The following WWP2 variants were observed in gnomAD, a reference collection of about 807,000 sequenced individuals.
WWP2 encodes WW domain containing E3 ubiquitin protein ligase 2.
In WWP2, 57 loss-of-function variants were observed where a neutral mutation model predicts 121.0. The observed-to-expected ratio is 0.47, with a 90% CI of 0.38 to 0.59. WWP2 has a LOEUF of 0.59. Ranked by LOEUF, WWP2 falls within the 20% of genes least tolerant of loss-of-function variation. The pLI, the probability that WWP2 is intolerant of heterozygous loss-of-function variation, is 0.00. For missense variants in WWP2, 962 were observed against 1,158.9 expected, an observed-to-expected ratio of 0.83 and a Z score of 2.47; for synonymous variants, 449 against 441.3, an observed-to-expected ratio of 1.02 and a Z score of -0.22.
At chr16:69,813,226 G>A (rs899172253) in intron 4 of WWP2, among the ~76,000 whole-genome samples, 33 of 150,394 alleles carry the variant, frequency 2.2e-4, no homozygotes, top group African/African-American at 6.4e-4. Context: ...GCAATGGCGC[G>A]ATCTTCGCTC....
intron 6 of WWP2, among the ~76,000 whole-genome samples, chr16:69,855,034 T>G (rs1380211522): frequency 6.6e-6 from 1 of 151,856 alleles, no homozygotes; most frequent in South Asian, 2.1e-4. Context: ...TTTTAAAATT[T>G]TTTGTAGAGA....
intron 9 of WWP2, chr16:69,909,807 T>G: frequency 4.4e-6 from 3 of 675,796 alleles, no homozygotes; most frequent in Non-Finnish European, 5.5e-6. Context: ...ATAGAGAGAA[T>G]AATGTTACAA....
intron 7 of WWP2, 67 bp from the exon 8 acceptor site, chr16:69,887,972 A>C: frequency 6.3e-7 from 1 of 1,575,312 alleles, no homozygotes; most frequent in South Asian, 1.1e-5. Flanking sequence ...TAAGTGAAAA[A>C]CCTAGCAAGT....
At chr16:69,852,114 G>A (rs1227554205) in intron 6 of WWP2, among the ~76,000 whole-genome samples, 2 of 152,136 alleles carry the variant, frequency 1.3e-5, no homozygotes, top group Non-Finnish European at 2.9e-5. Context: ...TTTCCAAAAC[G>A]GCTGCACCAG....
chr16:69,885,691 G>A (rs1199398968), intron 7 of WWP2, among the ~76,000 whole-genome samples: 7 of 152,216 alleles, frequency 4.6e-5, no homozygotes, highest in African/African-American at 1.7e-4. Context: ...AGACACCAGG[G>A]TGTGAATTAG....
At chr16:69,894,561 T>G in intron 8 of WWP2, among the ~76,000 whole-genome samples, 1 of 152,136 alleles carries the variant, frequency 6.6e-6, no homozygotes, top group Middle Eastern at 3.2e-3. Flanking sequence ...GCTTTTAAAT[T>G]AACTAGCGTG....
intron 6 of WWP2, among the ~76,000 whole-genome samples, chr16:69,853,846 C>T (rs1011673920): frequency 9.2e-5 from 14 of 152,168 alleles, no homozygotes; most frequent in African/African-American, 3.4e-4. Context: ...AGACAAGAGA[C>T]GCAAGAGGCG....
intron 4 of WWP2, among the ~76,000 whole-genome samples, chr16:69,806,556 C>A (rs1453295842): frequency 1.3e-5 from 2 of 152,030 alleles, no homozygotes; most frequent in Non-Finnish European, 2.9e-5. Flanking sequence ...TGAAATAATT[C>A]TTTGATGACT....
chr16:69,793,566 G>C (rs1379610297), intron 2 of WWP2, among the ~76,000 whole-genome samples: 1 of 151,994 alleles, frequency 6.6e-6, no homozygotes, highest in Admixed American at 6.6e-5. Context: ...AGATTATAGA[G>C]GTGTGGAAAA....
chr16:69,834,991 C>T (rs1350536867), intron 4 of WWP2, among the ~76,000 whole-genome samples: 1 of 152,060 alleles, frequency 6.6e-6, no homozygotes, highest in Admixed American at 6.6e-5. Flanking sequence ...ATAGTAGGTG[C>T]TCAAGGCACG....
chr16:69,841,453 C>T (rs2056976051), intron 5 of WWP2, among the ~76,000 whole-genome samples: 1 of 151,786 alleles, frequency 6.6e-6, no homozygotes, highest in Admixed American at 6.6e-5. Flanking sequence ...AGGCAGTCAG[C>T]GTGGTTGGAT....
intron 7 of WWP2, among the ~76,000 whole-genome samples, chr16:69,877,926 G>GC (rs1469697140): frequency 1.3e-5 from 2 of 151,974 alleles, no homozygotes; most frequent in Admixed American, 6.6e-5. Flanking sequence ...TCCTGCCTCA[G>GC]CCCCCCCAGT....
In WWP2 at chr16:69,929,544, TG is replaced by T. The variant is rs1484998497; in HGVS notation, c.1316+16del. 6.2e-7 allele frequency: 1 copy of T among 1,613,238 alleles called. No individual in the cohort carries two copies. Among genetic ancestry groups the T allele is most frequent in the South Asian group, 1.1e-5 (1 of 91,052 alleles). ...CGGACCCAGGGGTAAGGACTTGGGC[TG>T]AGAGGGGGGCCGGGCTGGGCTGGGT... On this transcript the variant is annotated intron_variant, in intron 12 of 23. Coordinates refer to ENST00000359154, the MANE Select transcript of WWP2 (RefSeq NM_001270454.2).
At chr16:69,824,669 A>C (rs2056652244) in intron 4 of WWP2, among the ~76,000 whole-genome samples, 1 of 151,318 alleles carries the variant, frequency 6.6e-6, no homozygotes, top group Non-Finnish European at 1.5e-5. Context: ...GAGTGGATAG[A>C]GTGCATCTGT....
At chr16:69,921,600 T>C (rs1402760521) in intron 10 of WWP2, among the ~76,000 whole-genome samples, 1 of 152,226 alleles carries the variant, frequency 6.6e-6, no homozygotes, top group African/African-American at 2.4e-5. Flanking sequence ...ATGTTGCCCG[T>C]GATCATCGTG....
Position 69,844,813 on chromosome 16 carries a change from T to C in WWP2, c.575+2693T>C, listed in dbSNP as rs771005989. On this transcript the variant is annotated intron_variant, in intron 6 of 23. Coordinates refer to ENST00000359154, the MANE Select transcript of WWP2 (RefSeq NM_001270454.2). ...CTGCAGGCTTTTACTACGTGTAGCA[T>C]CTGAGTTTTCCCTGGCCTCTGCCAT... Among the ~76,000 whole-genome samples, 3 of 152,244 alleles carry C rather than the reference T, an allele frequency of 2.0e-5. No homozygotes were observed. The South Asian group carries it at 6.2e-4, about 31-fold the overall frequency.
intron 8 of WWP2, among the ~76,000 whole-genome samples, chr16:69,906,854 C>T (rs56182388): frequency 0.03 from 4,554 of 151,932 alleles, 185 homozygotes; most frequent in African/African-American, 0.096. Flanking sequence ...CACTCCAGCT[C>T]GGGCAACAGA....
intron 10 of WWP2, among the ~76,000 whole-genome samples, chr16:69,921,799 C>T (rs1171129346): frequency 1.3e-5 from 2 of 152,048 alleles, no homozygotes; most frequent in African/African-American, 2.4e-5. Flanking sequence ...TTTGACTGGG[C>T]GCGGTGGCTC....
intron 6 of WWP2, among the ~76,000 whole-genome samples, chr16:69,866,874 G>C (rs915815187): frequency 6.6e-6 from 1 of 151,726 alleles, no homozygotes; most frequent in African/African-American, 2.4e-5. Flanking sequence ...GTCTCGCTCT[G>C]TCGCCCAGGC....
Sources: allele counts gnomAD v4.1 joint callset (sites outside exome capture counted in the v4.1 genomes callset), GRCh38; gene constraint gnomAD v4.1.1; transcripts MANE v1.5; gene names NCBI Gene and HGNC (gene_info 2026-07-23, HGNC 2026-07-21).